RPS6KA2: variants seen among roughly 807,000 people sequenced by gnomAD.
The protein encoded by RPS6KA2 is ribosomal protein S6 kinase A2.
Under a neutral mutation model 91.8 loss-of-function variants are expected in RPS6KA2, and 42 were observed. The observed-to-expected ratio is 0.46, with a 90% CI of 0.36 to 0.59. The LOEUF is 0.59. Ranked by LOEUF, RPS6KA2 falls within the 20% of genes least tolerant of loss-of-function variation. The probability of loss-of-function intolerance (pLI) is 0.00; values close to 1 mark genes in which losing one functional copy is unlikely to be tolerated. For synonymous variants in RPS6KA2, 414 were observed against 393.6 expected, an observed-to-expected ratio of 1.05 and a Z score of -0.61; for missense variants, 798 against 978.5, an observed-to-expected ratio of 0.82 and a Z score of 2.46.
intron 1 of RPS6KA2, among the ~76,000 whole-genome samples, chr6:166,585,173 C>T (rs1785129008): frequency 1.3e-5 from 2 of 152,150 alleles, no homozygotes; most frequent in East Asian, 1.9e-4. Context: ...CCCTGAAATA[C>T]ATGAAAAAAG....
chr6:166,520,821 C>G (rs570799615), intron 3 of RPS6KA2, among the ~76,000 whole-genome samples: 5 of 152,292 alleles, frequency 3.3e-5, no homozygotes, highest in South Asian at 4.1e-4. Context: ...TCAGTATGGA[C>G]CAGCCATCTC....
At chr6:166,534,312 C>T (rs958471867) in intron 2 of RPS6KA2, among the ~76,000 whole-genome samples, 3 of 151,614 alleles carry the variant, frequency 2.0e-5, no homozygotes, top group African/African-American at 4.9e-5. Flanking sequence ...CCCAGCTATC[C>T]GGGAGGCTGA....
At chr6:166,624,613 T>C (rs1347285764) in intron 1 of RPS6KA2, among the ~76,000 whole-genome samples, 1 of 152,212 alleles carries the variant, frequency 6.6e-6, no homozygotes, top group Non-Finnish European at 1.5e-5. Flanking sequence ...TCGTGTCTTT[T>C]TGGACACAGT....
At position 166,648,095 on chromosome 6, in the gene RPS6KA2, C is replaced by G. The variant is rs1396098164; in HGVS notation, c.124-109311G>C. Among the ~76,000 whole-genome samples the G allele has an allele frequency of 6.6e-6, 1 of 150,562 alleles. No homozygotes were observed. Among genetic ancestry groups the G allele is most frequent in the African/African-American group, 2.4e-5 (1 of 40,838 alleles). ...ACACGCACATGGTCATACACACACG[C>G]TCATACACACACGTGCACACACACG... On this transcript the variant is annotated intron_variant, in intron 2 of 21. Transcript: ENST00000503859. This position sits in a 1 kb window ranked among gnomAD's most constrained non-coding sequence, Gnocchi z 4.8.
Position 166,791,414 on chromosome 6 carries a change from T to C in RPS6KA2, c.123+66786A>G, listed in dbSNP as rs550402515. ...GACTTAGACTCCCACACAATAATAA[T>C]GGGAGACTTTAACACCCCACTGTTA... On this transcript the variant is annotated intron_variant, in intron 2 of 21. Coordinates refer to the RPS6KA2 transcript ENST00000503859. 3.9e-5 allele frequency among the ~76,000 whole-genome samples: 6 copies of C among 152,236 alleles called. No homozygotes were observed. In the East Asian group the frequency reaches 9.6e-4, roughly 24 times the overall value.
chr6:166,547,908 T>C (rs1315329756), intron 1 of RPS6KA2, among the ~76,000 whole-genome samples: 1 of 152,252 alleles, frequency 6.6e-6, no homozygotes, highest in Non-Finnish European at 1.5e-5. Context: ...AGGCATAACG[T>C]GCACACCTTC....
chr6:166,451,833 T>C (rs938350701), intron 12 of RPS6KA2, among the ~76,000 whole-genome samples: 1 of 152,254 alleles, frequency 6.6e-6, no homozygotes, highest in Admixed American at 6.5e-5. Context: ...CTCTGTAAGA[T>C]CTGTGTTCAA....
intron 2 of RPS6KA2, among the ~76,000 whole-genome samples, chr6:166,698,757 C>T (rs1158653660): frequency 1.3e-5 from 2 of 152,198 alleles, no homozygotes; most frequent in Admixed American, 6.5e-5. Context: ...GTGGCGAACT[C>T]GTCAGCGGAC....
chr6:166,824,647 G>A (rs576356981), intron 2 of RPS6KA2, among the ~76,000 whole-genome samples: 1 of 14,358 alleles, frequency 7.0e-5, no homozygotes, highest in African/African-American at 1.2e-4. Flanking sequence ...CTGTATGTCT[G>A]TGTGTGTGTG....
Position 166,670,882 on chromosome 6 carries a change from A to G in RPS6KA2, c.124-132098T>C, listed in dbSNP as rs940922394. ...GTCGCCCAGGCTGGAGTGCAATGGC[A>G]TGAGGTCAGCTGACTGCAACCTCCA... On this transcript the variant is annotated intron_variant, in intron 2 of 21. Transcript: ENST00000503859. Among the ~76,000 whole-genome samples the G allele has an allele frequency of 5.9e-5, 9 of 152,290 alleles. 1 individual carries two copies. In the South Asian group the frequency reaches 1.9e-3, roughly 32 times the overall value.
rs527476081 is a variant in RPS6KA2, at chr6:166,627,229, C to G, written c.-210G>C. On this transcript the variant is annotated 5_prime_UTR_variant, in exon 1 of 21. Transcript: ENST00000265678. Reference sequence around the variant, plus strand: ...GGGGCCACAATCGCTCCCTCCGCCTCCTTCTCCGCCTCCCCTGCGAGTACC... The same window carrying G: ...GGGGCCACAATCGCTCCCTCCGCCTGCTTCTCCGCCTCCCCTGCGAGTACC... 3.7e-4 allele frequency: 375 copies of G among 1,024,278 alleles called. 1 individual carries two copies. In the African/African-American group the frequency reaches 6.1e-3, roughly 17 times the overall value. 63.4% of individuals were successfully genotyped at this position (1,024,278 alleles called of 1,614,324 possible). A position where few individuals can be genotyped will look rare whatever the true frequency, so the allele number is the denominator to read the frequency against.
intron 2 of RPS6KA2, among the ~76,000 whole-genome samples, chr6:166,728,042 G>C (rs1790392826): frequency 6.6e-6 from 1 of 152,176 alleles, no homozygotes; most frequent in South Asian, 2.1e-4. Flanking sequence ...TATTTCCATA[G>C]CACTTACCTT....
Position 166,627,188 on chromosome 6 carries a change from G to T in RPS6KA2, c.-169C>A, listed in dbSNP as rs1171042463. ...GCTGCGGTCACAAAGGGCAGGCCGC[G>T]CCGGCCACCGCGGCCGGGGCCACAA... is the stretch of plus-strand genomic sequence containing the variant. On this transcript the variant is annotated 5_prime_UTR_variant, in exon 1 of 21. Coordinates refer to ENST00000265678, the MANE Select transcript of RPS6KA2 (RefSeq NM_021135.6). 6 of 1,053,394 alleles carry T rather than the reference G, an allele frequency of 5.7e-6. No individual in the cohort carries two copies. Among genetic ancestry groups the T allele is most frequent in the African/African-American group, 1.7e-5 (1 of 58,786 alleles). The allele number at this position is 1,053,394 out of a possible 1,614,324, so 65.3% of individuals were successfully genotyped here.
At chr6:166,757,536 G>C (rs185746332) in intron 2 of RPS6KA2, 2 of 456,202 alleles carry the variant, frequency 4.4e-6, no homozygotes, top group Admixed American at 2.3e-5. Flanking sequence ...CCTTTCTGAG[G>C]AACAGTCTCT....
chr6:166,539,743 T>C (rs973157076), intron 1 of RPS6KA2, among the ~76,000 whole-genome samples: 1 of 152,140 alleles, frequency 6.6e-6, no homozygotes, highest in Non-Finnish European at 1.5e-5. Context: ...TGTAAAGGGG[T>C]AGGCCATCTG....
intron 2 of RPS6KA2, among the ~76,000 whole-genome samples, chr6:166,679,529 G>T (rs116887379): frequency 0.012 from 1,821 of 152,298 alleles, 33 homozygotes; most frequent in South Asian, 0.073. Context: ...TAGAAAACAT[G>T]AGATGAAGGA....
intron 17 of RPS6KA2, 61 bp from the exon 18 acceptor site, chr6:166,420,019 C>T (rs1473878633): frequency 2.3e-5 from 35 of 1,510,144 alleles, no homozygotes; most frequent in Non-Finnish European, 2.9e-5. Flanking sequence ...ATTGACAGCA[C>T]GTTTCTCCAG....
intron 2 of RPS6KA2, among the ~76,000 whole-genome samples, chr6:166,721,548 T>C (rs373773801): frequency 9.2e-5 from 14 of 152,366 alleles, no homozygotes; most frequent in African/African-American, 3.4e-4. Flanking sequence ...AGAAACTTTC[T>C]AGTTTCACGA....
chr6:166,712,571 G>C (rs1406514470), intron 2 of RPS6KA2, among the ~76,000 whole-genome samples: 1 of 152,216 alleles, frequency 6.6e-6, no homozygotes, highest in African/African-American at 2.4e-5. Context: ...TGTGGGGTTA[G>C]AAAGAGACGC....
Sources: gnomAD v4.1 joint callset for allele counts (sites outside exome capture counted in the v4.1 genomes callset) on GRCh38, gnomAD v4.1.1 for gene constraint, Gnocchi (gnomAD v3.1) non-coding constraint, MANE v1.5 for transcripts, NCBI Gene and HGNC (gene_info 2026-07-23, HGNC 2026-07-21) for gene names.